Variants in ROBO2 observed in about 807,000 individuals in gnomAD.
ROBO2 encodes the protein roundabout homolog 2.
A neutral mutation model predicts 160.8 loss-of-function variants in ROBO2; 53 were observed. The ratio of observed to expected loss-of-function variants is 0.33; its 90% CI spans 0.26 to 0.41. The LOEUF (loss-of-function observed/expected upper bound fraction) is 0.41. Ranked by LOEUF, ROBO2 falls within the 10% of genes least tolerant of loss-of-function variation. ROBO2 has a pLI of 1.00. For synonymous variants in ROBO2, 664 were observed against 611.7 expected (o/e 1.09, Z -1.26); for missense variants, 1,577 against 1,722.4 (o/e 0.92, Z 1.49).
At chr3:77,345,651 A>G (rs1367840674) in intron 2 of ROBO2, among the ~76,000 whole-genome samples, 1 of 152,152 alleles carries the variant, frequency 6.6e-6, no homozygotes, top group East Asian at 1.9e-4. Context: ...CACTTATATA[A>G]TGATGTCTTT....
At chr3:76,822,858 T>TA (rs2066242486) in intron 2 of ROBO2, among the ~76,000 whole-genome samples, 2 of 152,222 alleles carry the variant, frequency 1.3e-5, no homozygotes, top group East Asian at 3.9e-4. Context: ...TATTTCTATA[T>TA]AATTCTTTTC....
chr3:76,306,529 A>T (rs1308170692), intron 2 of ROBO2, among the ~76,000 whole-genome samples: 1 of 152,194 alleles, frequency 6.6e-6, no homozygotes. Flanking sequence ...AATTATGGAG[A>T]TTCCTAAATC....
At chr3:76,976,720 A>C (rs2059833859) in intron 2 of ROBO2, among the ~76,000 whole-genome samples, 1 of 152,210 alleles carries the variant, frequency 6.6e-6, no homozygotes, top group Non-Finnish European at 1.5e-5. Context: ...CTGAAAACAT[A>C]GTTAATGTTT....
chr3:76,245,856 G>A (rs1163847557), intron 2 of ROBO2, among the ~76,000 whole-genome samples: 1 of 152,118 alleles, frequency 6.6e-6, no homozygotes, highest in Non-Finnish European at 1.5e-5. Context: ...TACTACTGCT[G>A]ACTCCCCTTC....
At chr3:77,417,480 C>G (rs1200804126) in intron 2 of ROBO2, among the ~76,000 whole-genome samples, 1 of 151,924 alleles carries the variant, frequency 6.6e-6, no homozygotes, top group Non-Finnish European at 1.5e-5. Context: ...TTTAAGATTT[C>G]CAAGAACTTC....
chr3:76,635,470 C>T (rs560365077), intron 2 of ROBO2, among the ~76,000 whole-genome samples: 9 of 152,244 alleles, frequency 5.9e-5, no homozygotes, highest in South Asian at 2.1e-4. Flanking sequence ...ATAGGAATGC[C>T]GGAAGAACTG....
chr3:76,849,461 T>C (rs1385234441), intron 2 of ROBO2, among the ~76,000 whole-genome samples: 4 of 152,212 alleles, frequency 2.6e-5, no homozygotes, highest in Non-Finnish European at 5.9e-5. Flanking sequence ...TTGAAGTACA[T>C]AGATGCCTAA....
chr3:77,226,273 C>G (rs1300601463), intron 2 of ROBO2, among the ~76,000 whole-genome samples: 1 of 151,490 alleles, frequency 6.6e-6, no homozygotes. Context: ...CTATATGGAC[C>G]GTTGTACGTG....
rs570208818 is a variant in ROBO2, at chr3:76,746,473, C to A, written c.110-351541C>A. Among the ~76,000 whole-genome samples the A allele has an allele frequency of 1.9e-3, 293 of 152,204 alleles. 2 individuals carry two copies. The highest frequency in any genetic ancestry group is 6.7e-3 in the African/African-American group (277 of 41,528). ...CAACAGTGTAAAAGTGTTCCTATTTCTCCACATCCTCTCCAGCACCTGTTG... is the reference window on the plus strand; with the variant it reads ...CAACAGTGTAAAAGTGTTCCTATTTATCCACATCCTCTCCAGCACCTGTTG... On this transcript the variant is annotated intron_variant, in intron 2 of 26. Transcript: ENST00000487694.
At chr3:76,397,660 C>G (rs1296040809) in intron 2 of ROBO2, among the ~76,000 whole-genome samples, 1 of 151,934 alleles carries the variant, frequency 6.6e-6, no homozygotes, top group East Asian at 1.9e-4. Flanking sequence ...AAAAAGTGGG[C>G]GAAGGACATG....
rs986993781 is a variant in ROBO2 at position 77,322,635 on chromosome 3, C to T, written c.389-154779C>T. On this transcript the variant is annotated intron_variant, in intron 2 of 25. Transcript: ENST00000461745. ...TTGACATTTGTTTAGATAATATCCA[C>T]ACTTGGTTGGATGGACTATATTTTA... Among the ~76,000 whole-genome samples, 3 of 150,848 alleles carry T rather than the reference C, an allele frequency of 2.0e-5. No individual in the cohort carries two copies. The South Asian group carries it at 6.2e-4, about 31-fold the overall frequency.
intron 2 of ROBO2, among the ~76,000 whole-genome samples, chr3:77,378,957 T>A (rs953212114): frequency 6.6e-6 from 1 of 152,028 alleles, no homozygotes; most frequent in Non-Finnish European, 1.5e-5. Context: ...TTCTTTTTTT[T>A]TTTTTTGGAG....
At chr3:76,907,681 A>G (rs1490763608) in intron 2 of ROBO2, among the ~76,000 whole-genome samples, 4 of 152,140 alleles carry the variant, frequency 2.6e-5, no homozygotes, top group Admixed American at 6.6e-5. Flanking sequence ...AGTCTAGTAG[A>G]TCCCCAAGCT....
intron 13 of ROBO2, among the ~76,000 whole-genome samples, chr3:77,569,127 A>G (rs2093571820): frequency 6.6e-6 from 1 of 152,040 alleles, no homozygotes; most frequent in African/African-American, 2.4e-5. Context: ...TTTGAGTACA[A>G]GTCTTTGGGT....
intron 2 of ROBO2, among the ~76,000 whole-genome samples, chr3:76,050,262 G>A (rs1029405791): frequency 4.6e-5 from 7 of 152,078 alleles, no homozygotes; most frequent in African/African-American, 9.7e-5. Flanking sequence ...TCTTTCTCCC[G>A]TGCTGGATGC....
intron 2 of ROBO2, among the ~76,000 whole-genome samples, chr3:76,889,302 C>A (rs2074158648): frequency 6.6e-6 from 1 of 152,068 alleles, no homozygotes; most frequent in Non-Finnish European, 1.5e-5. Flanking sequence ...AAAATATAGG[C>A]ATTATTTTTA....
At chr3:77,593,350 A>G (rs2094222779) in intron 17 of ROBO2, among the ~76,000 whole-genome samples, 2 of 152,166 alleles carry the variant, frequency 1.3e-5, no homozygotes, top group South Asian at 4.1e-4. Flanking sequence ...TAATTATTTC[A>G]GATTAATTCT....
intron 2 of ROBO2, among the ~76,000 whole-genome samples, chr3:76,143,290 G>T (rs143717173): frequency 6.6e-6 from 1 of 151,944 alleles, no homozygotes; most frequent in African/African-American, 2.4e-5. Flanking sequence ...CTCTGCCTCC[G>T]AAAGTGTTGG....
At chr3:77,430,664 A>C (rs1398907410) in intron 2 of ROBO2, among the ~76,000 whole-genome samples, 1 of 152,154 alleles carries the variant, frequency 6.6e-6, no homozygotes, top group East Asian at 1.9e-4. Flanking sequence ...CCACTACAGG[A>C]GGGCACCATC....
Sources: gnomAD v4.1 joint callset for allele counts (sites outside exome capture counted in the v4.1 genomes callset) on GRCh38, gnomAD v4.1.1 for gene constraint, MANE v1.5 for transcripts, NCBI Gene and HGNC (gene_info 2026-07-23, HGNC 2026-07-21) for gene names.